The following STXBP5L variants were observed in gnomAD, a reference collection of about 807,000 sequenced individuals.
STXBP5L encodes the protein syntaxin binding protein 5L, also known as syntaxin-binding protein 5-like.
Under a neutral mutation model 144.5 loss-of-function variants are expected in STXBP5L, and 65 were observed. That is an observed-to-expected ratio of 0.45 (90% CI 0.37 to 0.55). STXBP5L has a LOEUF of 0.55. Ranked by LOEUF, STXBP5L falls within the 20% of genes least tolerant of loss-of-function variation. STXBP5L has a pLI of 0.00. For synonymous variants in STXBP5L, 505 were observed against 469.6 expected (o/e 1.08, Z -0.97); for missense variants, 1,298 against 1,405.5 (o/e 0.92, Z 1.22).
chr3:120,996,323 A>G (rs902691706), intron 3 of STXBP5L, among the ~76,000 whole-genome samples: 9 of 152,032 alleles, frequency 5.9e-5, no homozygotes, highest in African/African-American at 1.7e-4. Context: ...AGTGATAGTT[A>G]TTTTTAATTT....
At chr3:121,034,427 C>T (rs1946609547) in intron 3 of STXBP5L, among the ~76,000 whole-genome samples, 1 of 152,100 alleles carries the variant, frequency 6.6e-6, no homozygotes, top group Admixed American at 6.6e-5. Context: ...ATAATGGCCT[C>T]TAATTCCATT....
At chr3:120,960,206 G>A (rs1436734334) in intron 3 of STXBP5L, among the ~76,000 whole-genome samples, 2 of 152,192 alleles carry the variant, frequency 1.3e-5, no homozygotes, top group African/African-American at 4.8e-5. Context: ...AAACCACAAT[G>A]AGATACCATC....
chr3:121,395,936 C>G (rs1174594693), intron 22 of STXBP5L, among the ~76,000 whole-genome samples: 2 of 152,226 alleles, frequency 1.3e-5, no homozygotes, highest in Non-Finnish European at 2.9e-5. Context: ...CCCAGAATCT[C>G]TTCCTCGGCA....
At chr3:121,221,690 G>A (rs1301674469) in intron 10 of STXBP5L, among the ~76,000 whole-genome samples, 1 of 151,502 alleles carries the variant, frequency 6.6e-6, no homozygotes, top group African/African-American at 2.4e-5. Context: ...CCATTAGTAG[G>A]TTGGTCATTT....
At chr3:121,043,732 A>G (rs563386458) in intron 4 of STXBP5L, among the ~76,000 whole-genome samples, 86 of 152,298 alleles carry the variant, frequency 5.6e-4, no homozygotes, top group African/African-American at 2.0e-3. Flanking sequence ...AAACAAAAAA[A>G]GAATACTGAG....
At chr3:121,085,934 A>G (rs933987552) in intron 5 of STXBP5L, among the ~76,000 whole-genome samples, 7 of 152,204 alleles carry the variant, frequency 4.6e-5, no homozygotes, top group Non-Finnish European at 1.0e-4. Context: ...ACAAGGCTAC[A>G]GTAACCAAAA....
At chr3:121,274,128 T>A (rs2050808319) in intron 18 of STXBP5L, among the ~76,000 whole-genome samples, 1 of 152,212 alleles carries the variant, frequency 6.6e-6, no homozygotes, top group African/African-American at 2.4e-5. Context: ...GTGTTATCAT[T>A]CCCTGCTTTT....
chr3:121,348,081 A>T (rs2045084189), intron 20 of STXBP5L, among the ~76,000 whole-genome samples: 1 of 152,110 alleles, frequency 6.6e-6, no homozygotes, highest in Admixed American at 6.6e-5. Flanking sequence ...TCAGTATGAT[A>T]TTGGCTGTGG....
chr3:121,370,793 A>AGG (rs2046007219), intron 20 of STXBP5L, among the ~76,000 whole-genome samples: 4 of 152,162 alleles, frequency 2.6e-5, no homozygotes, highest in African/African-American at 9.7e-5. Context: ...AGCTTAGTCT[A>AGG]TTCTGTTGTT....
intron 3 of STXBP5L, among the ~76,000 whole-genome samples, chr3:121,006,973 A>G (rs966448238): frequency 1.3e-5 from 2 of 151,884 alleles, no homozygotes; most frequent in Admixed American, 6.6e-5. Flanking sequence ...GTCTCTGGCT[A>G]CCCTTAACAT....
intron 2 of STXBP5L, among the ~76,000 whole-genome samples, chr3:120,932,615 C>T (rs1209146456): frequency 6.6e-6 from 1 of 152,006 alleles, no homozygotes; most frequent in Non-Finnish European, 1.5e-5. Flanking sequence ...TAAACTAGTT[C>T]AACCATTGTG....
At chr3:120,979,379 C>T (rs1363977417) in intron 3 of STXBP5L, among the ~76,000 whole-genome samples, 1 of 152,200 alleles carries the variant, frequency 6.6e-6, no homozygotes, top group Non-Finnish European at 1.5e-5. Flanking sequence ...TTCTGGTGCA[C>T]CGTTTTTTAA....
At chr3:121,243,775 A>G (rs915342878) in intron 14 of STXBP5L, among the ~76,000 whole-genome samples, 2 of 152,222 alleles carry the variant, frequency 1.3e-5, no homozygotes, top group Non-Finnish European at 2.9e-5. Context: ...TACAAAATAT[A>G]GTAATTCTCC....
intron 20 of STXBP5L, among the ~76,000 whole-genome samples, chr3:121,368,852 G>T (rs1472726014): frequency 2.0e-5 from 3 of 152,128 alleles, no homozygotes; most frequent in African/African-American, 7.2e-5. Flanking sequence ...AGAAGAAAAA[G>T]AGAAAAATGA....
At chr3:121,150,138 A>AATT (rs1248290781) in intron 7 of STXBP5L, among the ~76,000 whole-genome samples, 2 of 152,008 alleles carry the variant, frequency 1.3e-5, no homozygotes, top group Non-Finnish European at 2.9e-5. Flanking sequence ...TAATATCTAC[A>AATT]ATTTTGATTT....
chr3:121,192,199 T>C (rs1795387), intron 9 of STXBP5L, among the ~76,000 whole-genome samples: 116,744 of 152,094 alleles, frequency 0.77, 44,920 homozygotes, highest in East Asian at 0.93. Flanking sequence ...AGAGCCAAAT[T>C]ATGAGTGAAC....
chr3:121,006,540 G>A (rs186006293), intron 3 of STXBP5L, among the ~76,000 whole-genome samples: 1 of 152,094 alleles, frequency 6.6e-6, no homozygotes, highest in Admixed American at 6.6e-5. Context: ...GGGGCATTTA[G>A]CCCATTTACA....
chr3:120,991,332 C>G, intron 3 of STXBP5L, among the ~76,000 whole-genome samples: 1 of 151,608 alleles, frequency 6.6e-6, no homozygotes, highest in Non-Finnish European at 1.5e-5. Context: ...CAGGAAACAA[C>G]AGGTGCTGGA....
intron 20 of STXBP5L, among the ~76,000 whole-genome samples, chr3:121,346,490 T>C (rs1576237455): frequency 6.6e-6 from 1 of 152,160 alleles, no homozygotes; most frequent in Non-Finnish European, 1.5e-5. Flanking sequence ...CTGGGTCAAA[T>C]GGTATTTCTA....
Sources: gnomAD v4.1 joint callset for allele counts (sites outside exome capture counted in the v4.1 genomes callset) on GRCh38, gnomAD v4.1.1 for gene constraint, MANE v1.5 for transcripts, NCBI Gene and HGNC (gene_info 2026-07-23, HGNC 2026-07-21) for gene names.